Variants in GAP43 observed in about 807,000 individuals in gnomAD.
GAP43 encodes neuromodulin.
GAP43 carries 6 observed loss-of-function variants against 18.6 expected under a neutral mutation model. That is an observed-to-expected ratio of 0.32 (90% CI 0.18 to 0.64). The LOEUF (loss-of-function observed/expected upper bound fraction) is 0.64, where lower values mean the gene tolerates loss of function less well. Ranked by LOEUF, GAP43 falls within the 30% of genes least tolerant of loss-of-function variation. GAP43 has a pLI of 0.78. For missense variants in GAP43, 292 were observed against 295.5 expected (o/e 0.99, Z 0.09); for synonymous variants, 115 against 111.4 (o/e 1.03, Z -0.20).
Position 115,682,201 on chromosome 3 carries a change from A to G in GAP43, c.628+5591A>G, listed in dbSNP as rs138199566. Reference sequence around the variant, plus strand: ...TTCTGAGTCTTAGATTCTTATTTCAAAAATGCTCCAAGTACTGTTTTATTA... The same window carrying G: ...TTCTGAGTCTTAGATTCTTATTTCAGAAATGCTCCAAGTACTGTTTTATTA... On this transcript the variant is annotated intron_variant, in intron 2 of 2. Coordinates refer to ENST00000305124, the MANE Select transcript of GAP43 (RefSeq NM_002045.4). Among the ~76,000 whole-genome samples, 1,304 of 152,320 alleles carry G rather than the reference A, an allele frequency of 8.6e-3. 20 individuals carry two copies. The highest frequency in any genetic ancestry group is 0.029 in the African/African-American group (1,205 of 41,568).
intron 2 of GAP43, among the ~76,000 whole-genome samples, chr3:115,720,369 G>A (rs914838152): frequency 1.3e-5 from 2 of 152,194 alleles, no homozygotes; most frequent in Non-Finnish European, 2.9e-5. Context: ...CTGGAAATGA[G>A]TGGTAAGAAA....
chr3:115,678,130 G>A (rs1452313388), intron 2 of GAP43, among the ~76,000 whole-genome samples: 1 of 152,190 alleles, frequency 6.6e-6, no homozygotes, highest in Non-Finnish European at 1.5e-5. Flanking sequence ...AAAGTGGGGT[G>A]TGGGTTTTAA....
At chr3:115,632,171 C>A (rs913631823) in intron 1 of GAP43, among the ~76,000 whole-genome samples, 2 of 152,044 alleles carry the variant, frequency 1.3e-5, no homozygotes, top group Non-Finnish European at 2.9e-5. Flanking sequence ...CCCACCCCCA[C>A]TTCACCTCCA....
At chr3:115,709,471 G>T (rs1004310932) in intron 2 of GAP43, among the ~76,000 whole-genome samples, 1 of 152,156 alleles carries the variant, frequency 6.6e-6, no homozygotes, top group Non-Finnish European at 1.5e-5. Flanking sequence ...GAGTGAAACG[G>T]GGAGATGTAG....
rs983781934 is a variant in GAP43 at position 115,663,831 on chromosome 3, G to T, written c.31-12182G>T. 4 of 1,551,812 alleles carry T rather than the reference G, an allele frequency of 2.6e-6. No homozygotes were observed. The African/African-American group carries it at 5.5e-5, about 21-fold the overall frequency. On this transcript the variant is annotated intron_variant, in intron 1 of 2. Transcript: ENST00000305124. ...CACCCCGCACTCCACTTTTTACCTT[G>T]CCTGGGAGGCTTGAGGAAAAATCTT...
At chr3:115,647,675 G>A (rs1708472384) in intron 1 of GAP43, among the ~76,000 whole-genome samples, 1 of 148,912 alleles carries the variant, frequency 6.7e-6, no homozygotes, top group African/African-American at 2.5e-5. Context: ...TTGATGGTAA[G>A]AATTAGGGGG....
intron 1 of GAP43, among the ~76,000 whole-genome samples, chr3:115,650,400 A>C (rs1278712281): frequency 6.6e-6 from 1 of 152,176 alleles, no homozygotes; most frequent in Non-Finnish European, 1.5e-5. Context: ...TTTCAGAAGA[A>C]TGTAAACGAT....
At position 115,644,444 on chromosome 3, in the gene GAP43, C is replaced by G. The variant is rs758147390; in HGVS notation, c.30+20725C>G. ...TAGCAATAAGTCAGTCACCGTGAAG[C>G]ATTCTAAGCACTGAATAAGACAGAG... On this transcript the variant is annotated intron_variant, in intron 1 of 2. Coordinates refer to ENST00000305124, the MANE Select transcript of GAP43 (RefSeq NM_002045.4). This position sits in a 1 kb window ranked among gnomAD's most constrained non-coding sequence, Gnocchi z 4.2. Among the ~76,000 whole-genome samples, 33 of 152,004 alleles carry G rather than the reference C, an allele frequency of 2.2e-4. No homozygotes were observed. The highest frequency in any genetic ancestry group is 4.0e-4 in the Non-Finnish European group (27 of 67,948).
At chr3:115,720,039 C>T (rs1577006043) in intron 2 of GAP43, among the ~76,000 whole-genome samples, 1 of 152,144 alleles carries the variant, frequency 6.6e-6, no homozygotes, top group African/African-American at 2.4e-5. Context: ...TGCTTGGCTG[C>T]AAGAAACTGA....
intron 1 of GAP43, among the ~76,000 whole-genome samples, chr3:115,634,176 TAAAC>T (rs906979763): frequency 1.1e-4 from 16 of 151,942 alleles, no homozygotes; most frequent in Non-Finnish European, 2.4e-4. Context: ...AGAAAAAAAA[TAAAC>T]AAAATGATCT....
chr3:115,711,511 A>ACC (rs869281896), intron 2 of GAP43, among the ~76,000 whole-genome samples: 19 of 143,972 alleles, frequency 1.3e-4, no homozygotes, highest in African/African-American at 2.0e-4. Context: ...ACACACACAC[A>ACC]CCCCCCTACA....
intron 2 of GAP43, among the ~76,000 whole-genome samples, chr3:115,698,316 A>T (rs181622113): frequency 8.4e-5 from 8 of 95,228 alleles, no homozygotes; most frequent in East Asian, 3.0e-4. Flanking sequence ...AAATATATAT[A>T]ATATATATAT....
chr3:115,627,974 T>G (rs960525369), intron 1 of GAP43, among the ~76,000 whole-genome samples: 11 of 152,196 alleles, frequency 7.2e-5, no homozygotes, highest in Non-Finnish European at 1.5e-4. Flanking sequence ...TTCTGTAGAA[T>G]GAAGAGTAAA....
chr3:115,676,945 A>G (rs1708900958), intron 2 of GAP43, among the ~76,000 whole-genome samples: 1 of 152,222 alleles, frequency 6.6e-6, no homozygotes, highest in Non-Finnish European at 1.5e-5. Context: ...TGATAGACTT[A>G]GTTTAATAAG....
At chr3:115,680,187 C>T (rs920142663) in intron 2 of GAP43, among the ~76,000 whole-genome samples, 5 of 152,030 alleles carry the variant, frequency 3.3e-5, no homozygotes, top group African/African-American at 4.8e-5. Context: ...TGTCCAGGTG[C>T]GGTGGCTCAT....
Position 115,676,521 on chromosome 3 carries a change from C to T in GAP43, c.539C>T (p.Thr180Ile). 1 of 1,613,696 alleles carries T rather than the reference C, an allele frequency of 6.2e-7. No individual in the cohort carries two copies. The highest frequency in any genetic ancestry group is 1.1e-5 in the South Asian group (1 of 91,072). Residue 180 changes from threonine to isoleucine, a missense_variant, in exon 2 of 3, where the codon ACC becomes ATC. Thr to Ile is a moderately conservative substitution (Grantham distance 89, BLOSUM62 -1). Coordinates refer to ENST00000305124, the MANE Select transcript of GAP43 (RefSeq NM_002045.4). ...GCTGCTGTCACTGCTGCTGCTGCCACCACCCCTGCCGCAGAGGATGCTGCT... is the reference window on the plus strand; with the variant it reads ...GCTGCTGTCACTGCTGCTGCTGCCATCACCCCTGCCGCAGAGGATGCTGCT... ...VPAAVTAAAATTPAAEDAAAK... is the reference protein window; with the variant it reads ...VPAAVTAAAAITPAAEDAAAK...
intron 1 of GAP43, among the ~76,000 whole-genome samples, chr3:115,667,872 T>C (rs1708753682): frequency 6.6e-6 from 1 of 152,170 alleles, no homozygotes; most frequent in Non-Finnish European, 1.5e-5. Context: ...GATGGGGAGT[T>C]CCACCCTTTT....
chr3:115,715,180 C>T (rs377388606), intron 2 of GAP43, among the ~76,000 whole-genome samples: 1 of 152,172 alleles, frequency 6.6e-6, no homozygotes, highest in African/African-American at 2.4e-5. Flanking sequence ...GGAACACAGA[C>T]ATTTAATGCA....
chr3:115,702,771 A>G (rs181843732), intron 2 of GAP43, among the ~76,000 whole-genome samples: 7 of 152,226 alleles, frequency 4.6e-5, no homozygotes, highest in South Asian at 4.1e-4. Flanking sequence ...AATCTCAGCT[A>G]AACATCCATG....
Sources: gnomAD v4.1 joint callset for allele counts (sites outside exome capture counted in the v4.1 genomes callset) on GRCh38, gnomAD v4.1.1 for gene constraint, Gnocchi (gnomAD v3.1) non-coding constraint, MANE v1.5 for transcripts, NCBI Gene and HGNC (gene_info 2026-07-23, HGNC 2026-07-21) for gene names.